Variants in ITM2B observed in about 807,000 individuals in gnomAD.
ITM2B encodes the protein integral membrane protein 2B.
In ITM2B, 11 loss-of-function variants were observed where a neutral mutation model predicts 27.8. The ratio of observed to expected loss-of-function variants is 0.40; its 90% confidence interval spans 0.25 to 0.66. The LOEUF (loss-of-function observed/expected upper bound fraction) is 0.66, where lower values mean the gene tolerates loss of function less well. Among genes scored for constraint, ITM2B ranks in the 30% least tolerant of loss-of-function variants. The pLI is 0.43. For synonymous variants in ITM2B, 114 were observed against 114.3 expected (o/e 1.00, Z 0.02); for missense variants, 296 against 328.9 (o/e 0.90, Z 0.77).
rs1566165095 is a variant in ITM2B at position 48,262,052 on chromosome 13, A to T, written c.*828A>T. 1 of 152,148 alleles carries T rather than the reference A, an allele frequency of 6.6e-6. No homozygotes were observed. Among genetic ancestry groups the T allele is most frequent in the Non-Finnish European group, 1.5e-5 (1 of 67,992 alleles). The allele number at this position is 152,148 out of a possible 1,614,324, so 9.4% of individuals were successfully genotyped here. A position where few individuals can be genotyped will look rare whatever the true frequency, so the allele number is the denominator to read the frequency against. On this transcript the variant is annotated 3_prime_UTR_variant, in exon 6 of 6. Coordinates refer to ENST00000647800, the MANE Select transcript of ITM2B (RefSeq NM_021999.5). ...TAAGTCATTTTAATAACTAAACCAG[A>T]TTCTTTGTGGATACTATTAAAGTAA...
intron 1 of ITM2B, among the ~76,000 whole-genome samples, chr13:48,245,485 A>G (rs1951719456): frequency 1.3e-5 from 2 of 152,054 alleles, no homozygotes; most frequent in Non-Finnish European, 2.9e-5. Flanking sequence ...TGTCTCTGAT[A>G]CAAAAGTGAT....
chr13:48,241,390 T>C (rs1452682038), intron 1 of ITM2B, among the ~76,000 whole-genome samples: 1 of 152,164 alleles, frequency 6.6e-6, no homozygotes. Flanking sequence ...TTTTGTATTT[T>C]TAGTAAAGAC....
At chr13:48,241,055 A>G (rs913187155) in intron 1 of ITM2B, among the ~76,000 whole-genome samples, 6 of 152,158 alleles carry the variant, frequency 3.9e-5, no homozygotes, top group African/African-American at 1.2e-4. Flanking sequence ...CCTTTGTGCA[A>G]TTTAGAAAAA....
chr13:48,255,264 TGTGCGTG>T (rs1174430067), intron 2 of ITM2B, among the ~76,000 whole-genome samples: 2 of 151,260 alleles, frequency 1.3e-5, no homozygotes, highest in Admixed American at 1.3e-4. Context: ...TGCGCGCGCG[TGTGCGTG>T]CGCGCACGTG....
chr13:48,261,422 T>C lies in ITM2B; in HGVS notation c.*198T>C, dbSNP rs1951822314. 7.8e-6 allele frequency: 4 copies of C among 512,018 alleles called. No homozygotes were observed. Among genetic ancestry groups the C allele is most frequent in the African/African-American group, 1.9e-5 (1 of 51,676 alleles). The allele number at this position is 512,018 out of a possible 1,614,324, so 31.7% of individuals were successfully genotyped here. ...TTTCGAAGTGTGGTGTCTTTTATAT[T>C]TGAATTAGTAACTGTATGAAGTCAT... On this transcript the variant is annotated 3_prime_UTR_variant, in exon 6 of 6. Coordinates refer to ENST00000647800, the MANE Select transcript of ITM2B (RefSeq NM_021999.5).
rs1005221558 is a variant in ITM2B, at chr13:48,248,068, C to G, written c.118-5740C>G. Among the ~76,000 whole-genome samples, 6 of 152,030 alleles carry G rather than the reference C, an allele frequency of 3.9e-5. No homozygotes were observed. The East Asian group carries it at 7.7e-4, about 20-fold the overall frequency. On this transcript the variant is annotated intron_variant, in intron 1 of 5. Coordinates refer to ENST00000647800, the MANE Select transcript of ITM2B (RefSeq NM_021999.5). The stretch of plus-strand genomic sequence containing the variant: ...AAAGTTATATACCCCAGTGAAGAAG[C>G]TCTTACTTGTTAGTGGTTTTTTTCT...
rs17071516 is a variant in ITM2B, at chr13:48,250,262, C to T, written c.118-3546C>T. On this transcript the variant is annotated intron_variant, in intron 1 of 5. Coordinates refer to ENST00000647800, the MANE Select transcript of ITM2B (RefSeq NM_021999.5). ...GCATCTCTCCCTTCCCTTATTATCACGCTGGCTGCTGGTATAACTTTTATG... is the reference window on the plus strand; with the variant it reads ...GCATCTCTCCCTTCCCTTATTATCATGCTGGCTGCTGGTATAACTTTTATG... Among the ~76,000 whole-genome samples, 1,467 of 152,246 alleles carry T rather than the reference C, an allele frequency of 9.6e-3. 23 individuals carry two copies. The highest frequency in any genetic ancestry group is 0.034 in the African/African-American group (1,407 of 41,534).
chr13:48,255,175 C>T (rs1951778187), intron 2 of ITM2B, among the ~76,000 whole-genome samples: 1 of 151,850 alleles, frequency 6.6e-6, no homozygotes, highest in African/African-American at 2.4e-5. Flanking sequence ...CATGCCTGGC[C>T]CTGTGCATTC....
intron 1 of ITM2B, among the ~76,000 whole-genome samples, chr13:48,245,278 A>T (rs1407728731): frequency 6.6e-6 from 1 of 151,904 alleles, no homozygotes; most frequent in East Asian, 1.9e-4. Flanking sequence ...GTGAGCTGAG[A>T]TGGCACCACT....
chr13:48,253,149 G>T (rs1464040319), intron 1 of ITM2B, among the ~76,000 whole-genome samples: 1 of 152,124 alleles, frequency 6.6e-6, no homozygotes, highest in Non-Finnish European at 1.5e-5. Flanking sequence ...TTAAAAGAAA[G>T]TGAAGAATTT....
intron 5 of ITM2B, among the ~76,000 whole-genome samples, chr13:48,260,791 A>T (rs1348306797): frequency 2.0e-5 from 3 of 152,122 alleles, no homozygotes; most frequent in African/African-American, 7.2e-5. Context: ...CGTGCCATGA[A>T]ATTTACCCTT....
At chr13:48,255,248 T>TGC (rs1951779208) in intron 2 of ITM2B, among the ~76,000 whole-genome samples, 1 of 123,012 alleles carries the variant, frequency 8.1e-6, no homozygotes, top group Non-Finnish European at 1.7e-5. Context: ...TGTGTGTGTG[T>TGC]GTGTGTGCGC....
In ITM2B at chr13:48,256,348, A is replaced by G. The variant is rs778609115; in HGVS notation, c.418A>G (p.Ser140Gly). 19 of 1,614,002 alleles carry G rather than the reference A, an allele frequency of 1.2e-5. No individual in the cohort carries two copies. The highest frequency in any genetic ancestry group is 1.6e-5 in the Non-Finnish European group (19 of 1,179,876). Residue 140 changes from serine (S) to glycine (G), a missense_variant, in exon 3 of 6, where the codon AGT (serine) becomes GGT (glycine). Ser to Gly is a moderately conservative substitution (Grantham distance 56). Coordinates refer to ENST00000647800, the MANE Select transcript of ITM2B (RefSeq NM_021999.5). ...TGTGCCTGTCCCAGAGTTTGCAGAT[A>G]GTGATCCTGCCAACATTGTTCATGA... ...ISVPVPEFADSDPANIVHDFN... is the reference protein window; with the variant it reads ...ISVPVPEFADGDPANIVHDFN...
At chr13:48,244,051 T>C (rs993740975) in intron 1 of ITM2B, among the ~76,000 whole-genome samples, 2 of 152,212 alleles carry the variant, frequency 1.3e-5, no homozygotes, top group East Asian at 3.8e-4. Context: ...TTTACTTCTC[T>C]GGGCCTCATA....
intron 1 of ITM2B, among the ~76,000 whole-genome samples, chr13:48,236,656 T>A (rs974832795): frequency 6.6e-6 from 1 of 152,168 alleles, no homozygotes; most frequent in African/African-American, 2.4e-5. Context: ...CAAGTAGCAG[T>A]GGGTCAAAGA....
chr13:48,265,018 G>A lies in ITM2B; in HGVS notation c.*3794G>A, dbSNP rs1357399566. 1 of 152,140 alleles carries A rather than the reference G, an allele frequency of 6.6e-6. No individual in the cohort carries two copies. Among genetic ancestry groups the A allele is most frequent in the African/African-American group, 2.4e-5 (1 of 41,416 alleles). 9.4% of individuals were successfully genotyped at this position (152,140 alleles called of 1,614,324 possible). ...AGATTGGTTCTGAGAAGCAGGATGA[G>A]TGGGAGTGGGCTTAGGGGTCAAAAT... On this transcript the variant is annotated 3_prime_UTR_variant, in exon 6 of 6. Coordinates refer to ENST00000647800, the MANE Select transcript of ITM2B (RefSeq NM_021999.5).
At chr13:48,255,611 G>GT (rs1476538314) in intron 2 of ITM2B, among the ~76,000 whole-genome samples, 2 of 152,056 alleles carry the variant, frequency 1.3e-5, no homozygotes, top group South Asian at 2.1e-4. Flanking sequence ...CTTATGTACT[G>GT]TTTTTTCTTT....
chr13:48,236,514 A>G (rs550274648), intron 1 of ITM2B, among the ~76,000 whole-genome samples: 4 of 152,328 alleles, frequency 2.6e-5, no homozygotes, highest in East Asian at 1.9e-4. Flanking sequence ...TGAAGATGCT[A>G]GGATTACATA....
intron 5 of ITM2B, among the ~76,000 whole-genome samples, chr13:48,260,082 AGT>A (rs1460413801): frequency 6.6e-6 from 1 of 151,986 alleles, no homozygotes; most frequent in East Asian, 1.9e-4. Flanking sequence ...CCCACTTATG[AGT>A]GAGAAGATGC....
Sources: gnomAD v4.1 joint callset for allele counts (sites outside exome capture counted in the v4.1 genomes callset) on GRCh38, gnomAD v4.1.1 for gene constraint, MANE v1.5 for transcripts, NCBI Gene and HGNC (gene_info 2026-07-23, HGNC 2026-07-21) for gene names.